Variants in MPP7 observed in about 807,000 individuals in gnomAD.
MPP7 encodes MAGUK p55 subfamily member 7.
In MPP7, 60 loss-of-function variants were observed where a neutral mutation model predicts 76.5. The observed-to-expected ratio is 0.78, with a 90% CI of 0.64 to 0.97. The LOEUF (loss-of-function observed/expected upper bound fraction) is 0.97, where lower values mean the gene tolerates loss of function less well. Ranked by LOEUF, MPP7 falls within the 50% of genes least tolerant of loss-of-function variation. The probability of loss-of-function intolerance (pLI) is 0.00; values close to 1 mark genes in which losing one functional copy is unlikely to be tolerated. For missense variants in MPP7, 641 were observed against 694.0 expected (o/e 0.92, Z 0.86); for synonymous variants, 237 against 244.5 (o/e 0.97, Z 0.29).
At chr10:28,100,288 A>G (rs551554277) in intron 11 of MPP7, among the ~76,000 whole-genome samples, 18 of 152,156 alleles carry the variant, frequency 1.2e-4, no homozygotes, top group Admixed American at 1.2e-3. Flanking sequence ...ACATAGTAAC[A>G]TGATCTTAAT....
At chr10:28,216,735 G>T (rs1472618163) in intron 2 of MPP7, among the ~76,000 whole-genome samples, 1 of 152,176 alleles carries the variant, frequency 6.6e-6, no homozygotes, top group Non-Finnish European at 1.5e-5. Flanking sequence ...GAACAGACCT[G>T]CTGACAACAA....
At chr10:28,268,321 C>T (rs981270681) in intron 1 of MPP7, among the ~76,000 whole-genome samples, 2 of 152,038 alleles carry the variant, frequency 1.3e-5, no homozygotes, top group Admixed American at 1.3e-4. Flanking sequence ...ACAAAATGAG[C>T]CAGAGAAATT....
chr10:28,139,299 A>G (rs532228081), intron 5 of MPP7, among the ~76,000 whole-genome samples: 2 of 152,136 alleles, frequency 1.3e-5, no homozygotes, highest in Non-Finnish European at 2.9e-5. Context: ...GAAACACTTG[A>G]GCTTGGGGCA....
At chr10:28,309,921 C>T (rs1048495078) in intron 2 of MPP7, among the ~76,000 whole-genome samples, 4 of 151,984 alleles carry the variant, frequency 2.6e-5, no homozygotes, top group African/African-American at 4.8e-5. Context: ...TAAAAGCTCC[C>T]GGAGGCCGCC....
At chr10:28,292,072 C>A (rs1840934090) in intron 1 of MPP7, among the ~76,000 whole-genome samples, 1 of 152,158 alleles carries the variant, frequency 6.6e-6, no homozygotes, top group Non-Finnish European at 1.5e-5. Flanking sequence ...TATACTTTTT[C>A]TATGTTTACA....
intron 12 of MPP7, among the ~76,000 whole-genome samples, chr10:28,073,685 G>A (rs1206109512): frequency 5.9e-5 from 9 of 152,074 alleles, no homozygotes; most frequent in Admixed American, 1.3e-4. Flanking sequence ...CAAGAGAATC[G>A]CTTGAATCTG....
intron 5 of MPP7, among the ~76,000 whole-genome samples, chr10:28,146,302 T>G (rs1835700152): frequency 6.6e-6 from 1 of 152,178 alleles, no homozygotes; most frequent in African/African-American, 2.4e-5. Flanking sequence ...CTCACATCAT[T>G]AATCATAGCC....
intron 1 of MPP7, among the ~76,000 whole-genome samples, chr10:28,273,093 T>C (rs998519646): frequency 7.2e-5 from 11 of 152,132 alleles, no homozygotes; most frequent in African/African-American, 2.7e-4. Context: ...ATTTTTTGTA[T>C]TTTTAGTAGA....
At chr10:28,066,588 T>A (rs1373474837) in intron 13 of MPP7, among the ~76,000 whole-genome samples, 1 of 152,158 alleles carries the variant, frequency 6.6e-6, no homozygotes, top group Non-Finnish European at 1.5e-5. Flanking sequence ...CAATAACTGA[T>A]ATATATACAC....
At chr10:28,250,663 T>C (rs1194092053) in intron 1 of MPP7, among the ~76,000 whole-genome samples, 1 of 152,202 alleles carries the variant, frequency 6.6e-6, no homozygotes, top group East Asian at 1.9e-4. Context: ...ATGCTCTTGG[T>C]CCTTTCTTAT....
intron 2 of MPP7, among the ~76,000 whole-genome samples, chr10:28,213,164 G>A (rs7893878): frequency 6.6e-6 from 1 of 151,822 alleles, no homozygotes; most frequent in Non-Finnish European, 1.5e-5. Context: ...GGTCTCAAAC[G>A]CCTAAACTCA....
intron 2 of MPP7, among the ~76,000 whole-genome samples, chr10:28,212,124 AAAAT>A (rs1355557299): frequency 1.3e-5 from 2 of 152,136 alleles, no homozygotes; most frequent in Non-Finnish European, 2.9e-5. Context: ...TAAAAAAAAA[AAAAT>A]AAATGAGTGA....
chr10:28,090,470 A>T (rs913138786), intron 11 of MPP7, among the ~76,000 whole-genome samples: 1 of 152,242 alleles, frequency 6.6e-6, no homozygotes. Context: ...ATAATTTATC[A>T]AGAACTGATT....
At chr10:28,118,416 CATTT>C in intron 11 of MPP7, 1 of 982,902 alleles carries the variant, frequency 1.0e-6, no homozygotes, top group Non-Finnish European at 1.2e-6. Flanking sequence ...AGTATAATTA[CATTT>C]ATTTCATCTT....
intron 8 of MPP7, among the ~76,000 whole-genome samples, chr10:28,123,142 A>C (rs1221563155): frequency 6.6e-6 from 1 of 152,228 alleles, no homozygotes; most frequent in Non-Finnish European, 1.5e-5. Context: ...ATATATACAG[A>C]GATCTGTTTT....
intron 1 of MPP7, among the ~76,000 whole-genome samples, chr10:28,274,520 G>A (rs571369407): frequency 2.6e-5 from 4 of 152,184 alleles, no homozygotes; most frequent in African/African-American, 7.2e-5. Context: ...AAATAATATA[G>A]TTTCACAAAA....
chr10:28,298,381 T>C (rs1187694588), intron 1 of MPP7, among the ~76,000 whole-genome samples: 2 of 152,332 alleles, frequency 1.3e-5, no homozygotes, highest in Non-Finnish European at 2.9e-5. Flanking sequence ...AAAACATTAA[T>C]TTCCTTGTAC....
intron 12 of MPP7, among the ~76,000 whole-genome samples, chr10:28,081,310 C>A (rs1416581306): frequency 6.6e-6 from 1 of 152,214 alleles, no homozygotes; most frequent in Admixed American, 6.5e-5. Context: ...CTCACCCACA[C>A]ACACATTATT....
At chr10:28,251,420 C>T (rs1311180284) in intron 1 of MPP7, among the ~76,000 whole-genome samples, 1 of 151,898 alleles carries the variant, frequency 6.6e-6, no homozygotes, top group African/African-American at 2.4e-5. Context: ...CGAGATCGCA[C>T]CATTGCATTC....
Sources: allele counts gnomAD v4.1 joint callset (sites outside exome capture counted in the v4.1 genomes callset), GRCh38; gene constraint gnomAD v4.1.1; transcripts MANE v1.5; gene names NCBI Gene and HGNC (gene_info 2026-07-23, HGNC 2026-07-21).